The following MYO3B variants were observed in gnomAD, a reference collection of about 807,000 sequenced individuals.
MYO3B encodes myosin-IIIb.
A neutral mutation model predicts 174.6 loss-of-function variants in MYO3B; 156 were observed. That is an observed-to-expected ratio of 0.89 (90% CI 0.78 to 1.02). The LOEUF (loss-of-function observed/expected upper bound fraction) is 1.02, where lower values mean the gene tolerates loss of function less well. Ranked by LOEUF, MYO3B falls within the 50% of genes least tolerant of loss-of-function variation. MYO3B has a pLI of 0.00. For missense variants in MYO3B, 1,632 were observed against 1,639.4 expected (o/e 1.00, Z 0.08); for synonymous variants, 563 against 569.1 (o/e 0.99, Z 0.15).
intron 22 of MYO3B, among the ~76,000 whole-genome samples, chr2:170,420,880 C>T (rs982590818): frequency 6.6e-6 from 1 of 152,116 alleles, no homozygotes. Flanking sequence ...ACCACACCTC[C>T]CAACCCTGCC....
intron 9 of MYO3B, among the ~76,000 whole-genome samples, chr2:170,371,427 T>TAA (rs35925759): frequency 8.6e-5 from 13 of 150,348 alleles, no homozygotes; most frequent in African/African-American, 3.2e-4. Flanking sequence ...GAACTATCAT[T>TAA]AAAAAAAAAT....
At chr2:170,408,924 C>T (rs1165419084) in intron 22 of MYO3B, among the ~76,000 whole-genome samples, 1 of 152,024 alleles carries the variant, frequency 6.6e-6, no homozygotes, top group Non-Finnish European at 1.5e-5. Flanking sequence ...TTGGAGCAGC[C>T]GGGGTTTAAT....
intron 22 of MYO3B, among the ~76,000 whole-genome samples, chr2:170,434,946 A>T (rs1574973907): frequency 6.6e-6 from 1 of 152,240 alleles, no homozygotes; most frequent in Non-Finnish European, 1.5e-5. Flanking sequence ...GGTGAGAGCC[A>T]CTGTACTTAG....
At chr2:170,496,505 C>A (rs1686858994) in intron 25 of MYO3B, among the ~76,000 whole-genome samples, 1 of 150,434 alleles carries the variant, frequency 6.6e-6, no homozygotes, top group African/African-American at 2.4e-5. Flanking sequence ...TAGATGGCAG[C>A]AAAGAGCAGA....
chr2:170,424,777 T>A (rs2094647795), intron 22 of MYO3B, among the ~76,000 whole-genome samples: 1 of 152,208 alleles, frequency 6.6e-6, no homozygotes, highest in Non-Finnish European at 1.5e-5. Flanking sequence ...ATGTATATTT[T>A]AAGTGGAAGT....
intron 7 of MYO3B, among the ~76,000 whole-genome samples, chr2:170,316,017 T>C (rs2093773149): frequency 6.6e-6 from 1 of 152,228 alleles, no homozygotes; most frequent in Non-Finnish European, 1.5e-5. Flanking sequence ...ATTTCAGAGA[T>C]GATTCCAAAG....
intron 25 of MYO3B, among the ~76,000 whole-genome samples, chr2:170,494,620 C>G (rs1686719670): frequency 6.7e-6 from 1 of 149,036 alleles, no homozygotes; most frequent in Non-Finnish European, 1.5e-5. Context: ...CCCAGCTACT[C>G]AGGAGGCTGA....
chr2:170,404,282 C>A lies in MYO3B; in HGVS notation c.2313C>A (p.Pro771=), dbSNP rs924000774. ...AGAATGAAGGCATTGATGCTGTACC[C>A]GTGGAATATGAGGACAACCGCCCGC... ...EYQNEGIDAV[P]VEYEDNRPLL... is the part of the protein sequence containing the mutation. Residue 771 remains proline (P), a synonymous_variant, in exon 20 of 35, where the codon CCC becomes CCA. Transcript: ENST00000408978. 6.2e-7 allele frequency: 1 copy of A among 1,612,936 alleles called. No individual in the cohort carries two copies.
intron 25 of MYO3B, among the ~76,000 whole-genome samples, chr2:170,474,538 AC>A (rs568148153): frequency 2.6e-5 from 4 of 151,726 alleles, no homozygotes; most frequent in Non-Finnish European, 4.4e-5. Flanking sequence ...GGAGTTGAAG[AC>A]CAGCCTGACC....
intron 30 of MYO3B, among the ~76,000 whole-genome samples, chr2:170,542,621 T>C (rs1259104362): frequency 6.6e-6 from 1 of 152,172 alleles, no homozygotes; most frequent in Non-Finnish European, 1.5e-5. Context: ...GGAAGCCCAA[T>C]AGAGCTCGCT....
At chr2:170,546,854 C>T (rs1690526698) in intron 32 of MYO3B, among the ~76,000 whole-genome samples, 1 of 152,068 alleles carries the variant, frequency 6.6e-6, no homozygotes, top group Admixed American at 6.5e-5. Context: ...AGAAGGTTTG[C>T]CTTCTAACTT....
At chr2:170,192,060 G>A (rs557403889) in intron 1 of MYO3B, among the ~76,000 whole-genome samples, 1 of 152,148 alleles carries the variant, frequency 6.6e-6, no homozygotes, top group East Asian at 1.9e-4. Context: ...TACTCTAAGT[G>A]ATTTGAAGTT....
At chr2:170,481,572 CA>C (rs1031655916) in intron 25 of MYO3B, among the ~76,000 whole-genome samples, 1 of 150,314 alleles carries the variant, frequency 6.7e-6, no homozygotes, top group Non-Finnish European at 1.5e-5. Context: ...TGAGATGTTT[CA>C]AAAAAAAATT....
intron 32 of MYO3B, among the ~76,000 whole-genome samples, chr2:170,607,867 C>T (rs548526138): frequency 2.2e-4 from 34 of 152,128 alleles, no homozygotes; most frequent in Admixed American, 9.8e-4. Context: ...GGTAAAGGAA[C>T]AAAGCTTGTA....
At chr2:170,513,326 T>C (rs2010922) in intron 28 of MYO3B, among the ~76,000 whole-genome samples, 93,359 of 152,018 alleles carry the variant, frequency 0.61, 29,678 homozygotes, top group East Asian at 0.89. Context: ...TGGTTTCTAC[T>C]GGAGGTTCTG....
At chr2:170,423,328 G>A (rs895162246) in intron 22 of MYO3B, among the ~76,000 whole-genome samples, 5 of 152,032 alleles carry the variant, frequency 3.3e-5, no homozygotes, top group African/African-American at 1.2e-4. Context: ...ATATCGAGTA[G>A]CATGACTGCA....
intron 22 of MYO3B, among the ~76,000 whole-genome samples, chr2:170,440,751 T>C (rs2094793899): frequency 6.7e-6 from 1 of 149,660 alleles, no homozygotes; most frequent in South Asian, 2.1e-4. Context: ...AGACTCTGTC[T>C]GAAAAAACAA....
intron 32 of MYO3B, among the ~76,000 whole-genome samples, chr2:170,621,924 T>C (rs1695957394): frequency 6.6e-6 from 1 of 152,180 alleles, no homozygotes; most frequent in African/African-American, 2.4e-5. Context: ...GTCCCCTAGA[T>C]TTTAAACCCT....
At chr2:170,340,446 G>A (rs1489094364) in intron 8 of MYO3B, 3 of 152,154 alleles carry the variant, frequency 2.0e-5, no homozygotes, top group Non-Finnish European at 4.4e-5. Flanking sequence ...GGGAGAAAAA[G>A]TAATATCTTT....
Sources: gnomAD v4.1 joint callset for allele counts (sites outside exome capture counted in the v4.1 genomes callset) on GRCh38, gnomAD v4.1.1 for gene constraint, MANE v1.5 for transcripts, NCBI Gene and HGNC (gene_info 2026-07-23, HGNC 2026-07-21) for gene names.